KCND2: variants seen among roughly 807,000 people sequenced by gnomAD.
KCND2 encodes potassium voltage-gated channel subfamily D member 2, also known as A-type voltage-gated potassium channel KCND2.
KCND2 carries 16 observed loss-of-function variants against 54.4 expected under a neutral mutation model. The observed-to-expected ratio is 0.29, with a 90% CI of 0.20 to 0.45. The LOEUF (loss-of-function observed/expected upper bound fraction) is 0.45. Ranked by LOEUF, KCND2 falls within the 20% of genes least tolerant of loss-of-function variation. The probability of loss-of-function intolerance (pLI) is 1.00; values close to 1 mark genes in which losing one functional copy is unlikely to be tolerated. For synonymous variants in KCND2, 317 were observed against 310.7 expected, an observed-to-expected ratio of 1.02 and a Z score of -0.21; for missense variants, 486 against 824.2, an observed-to-expected ratio of 0.59 and a Z score of 5.02.
intron 1 of KCND2, among the ~76,000 whole-genome samples, chr7:120,616,445 A>C (rs1397265253): frequency 6.6e-6 from 1 of 152,186 alleles, no homozygotes; most frequent in Non-Finnish European, 1.5e-5. Flanking sequence ...ATGTCATGAA[A>C]CCATTTAAGA....
intron 1 of KCND2, among the ~76,000 whole-genome samples, chr7:120,443,335 C>G (rs868121320): frequency 4.1e-5 from 6 of 144,982 alleles, no homozygotes; most frequent in Admixed American, 1.4e-4. Flanking sequence ...TAACAATCTC[C>G]AAGAAATAAC....
chr7:120,546,161 T>C (rs1044174774), intron 1 of KCND2, among the ~76,000 whole-genome samples: 5 of 151,926 alleles, frequency 3.3e-5, no homozygotes, highest in African/African-American at 1.2e-4. Context: ...TACCCCTCCA[T>C]GGGACACAAA....
chr7:120,394,467 A>G (rs1019433422), intron 1 of KCND2, among the ~76,000 whole-genome samples: 5 of 151,992 alleles, frequency 3.3e-5, no homozygotes, highest in African/African-American at 1.2e-4. Context: ...GAACTCACGA[A>G]TCTTGTGACC....
intron 1 of KCND2, among the ~76,000 whole-genome samples, chr7:120,666,712 C>T (rs1346676069): frequency 6.6e-6 from 1 of 152,024 alleles, no homozygotes; most frequent in African/African-American, 2.4e-5. Context: ...GTTAGCCTAA[C>T]TTCTAACCAC....
intron 1 of KCND2, among the ~76,000 whole-genome samples, chr7:120,550,916 G>T (rs940244731): frequency 4.6e-5 from 7 of 152,176 alleles, no homozygotes; most frequent in African/African-American, 1.2e-4. Context: ...AAATTGGAGT[G>T]TTAGGATCAG....
chr7:120,445,124 AT>A (rs1368649294), intron 1 of KCND2, among the ~76,000 whole-genome samples: 1 of 152,188 alleles, frequency 6.6e-6, no homozygotes, highest in East Asian at 1.9e-4. Flanking sequence ...GAAATGCAAT[AT>A]TCTTTCATAT....
At position 120,592,001 on chromosome 7, in the gene KCND2, T is replaced by C. The variant is rs1361160561; in HGVS notation, c.1116-140902T>C. 2.0e-5 allele frequency among the ~76,000 whole-genome samples: 3 copies of C among 152,338 alleles called. No homozygotes were observed. In the East Asian group the frequency reaches 5.8e-4, roughly 29 times the overall value. ...CAATATTTAATGAGATTCTAGGCGC[T>C]GATTAAAATGTAATGAAAAAAGCTT... is the stretch of plus-strand genomic sequence containing the variant. On this transcript the variant is annotated intron_variant, in intron 1 of 5. Transcript: ENST00000331113.
chr7:120,431,649 C>T (rs776921994), intron 1 of KCND2, among the ~76,000 whole-genome samples: 8 of 152,172 alleles, frequency 5.3e-5, no homozygotes, highest in Non-Finnish European at 1.0e-4. Context: ...TACTTAGCCT[C>T]AGTATTATTT....
At chr7:120,629,457 T>A (rs9649424) in intron 1 of KCND2, among the ~76,000 whole-genome samples, 1 of 151,538 alleles carries the variant, frequency 6.6e-6, no homozygotes, top group Non-Finnish European at 1.5e-5. Context: ...CTGCACTCCA[T>A]CCTGGGCGAC....
At chr7:120,354,324 C>T (rs559453749) in intron 1 of KCND2, among the ~76,000 whole-genome samples, 7 of 152,116 alleles carry the variant, frequency 4.6e-5, no homozygotes, top group South Asian at 2.1e-4. Flanking sequence ...TCTATATAGG[C>T]GTTATATAAT....
At chr7:120,333,958 T>C (rs977796953) in intron 1 of KCND2, among the ~76,000 whole-genome samples, 1 of 152,216 alleles carries the variant, frequency 6.6e-6, no homozygotes, top group Non-Finnish European at 1.5e-5. Context: ...GTGTATATAA[T>C]CATTTTGATT....
At chr7:120,631,041 T>G (rs2116514992) in intron 1 of KCND2, among the ~76,000 whole-genome samples, 1 of 152,304 alleles carries the variant, frequency 6.6e-6, no homozygotes, top group Middle Eastern at 3.4e-3. Flanking sequence ...TTCAAAACTG[T>G]TGATAGCAAA....
At chr7:120,411,507 T>C (rs1480425872) in intron 1 of KCND2, among the ~76,000 whole-genome samples, 1 of 151,886 alleles carries the variant, frequency 6.6e-6, no homozygotes, top group Non-Finnish European at 1.5e-5. Context: ...GGAAAATTAA[T>C]TGGAAAATAG....
At chr7:120,612,730 A>T (rs764579271) in intron 1 of KCND2, among the ~76,000 whole-genome samples, 39 of 152,320 alleles carry the variant, frequency 2.6e-4, no homozygotes, top group Non-Finnish European at 5.1e-4. Flanking sequence ...CTTATTGTGA[A>T]CTTAATGAAT....
At chr7:120,632,471 T>G (rs2116516931) in intron 1 of KCND2, among the ~76,000 whole-genome samples, 1 of 152,296 alleles carries the variant, frequency 6.6e-6, no homozygotes. Context: ...AGAAAATGGC[T>G]CTCTCTGGAG....
intron 1 of KCND2, among the ~76,000 whole-genome samples, chr7:120,371,962 CTTT>C: frequency 6.6e-6 from 1 of 151,960 alleles, no homozygotes; most frequent in South Asian, 2.1e-4. Context: ...TGTATACCAC[CTTT>C]TCTTTATCTC....
chr7:120,664,797 T>G (rs1791905415), intron 1 of KCND2, among the ~76,000 whole-genome samples: 1 of 152,060 alleles, frequency 6.6e-6, no homozygotes, highest in Non-Finnish European at 1.5e-5. Flanking sequence ...CATTAGTGAT[T>G]CAGTAATTAT....
At chr7:120,711,127 A>G (rs1451234302) in intron 1 of KCND2, among the ~76,000 whole-genome samples, 1 of 152,088 alleles carries the variant, frequency 6.6e-6, no homozygotes, top group Non-Finnish European at 1.5e-5. Context: ...TATATATTTT[A>G]TATACATTTG....
chr7:120,660,333 G>T (rs1791850831), intron 1 of KCND2, among the ~76,000 whole-genome samples: 1 of 152,128 alleles, frequency 6.6e-6, no homozygotes, highest in African/African-American at 2.4e-5. Flanking sequence ...GAGAAACAAT[G>T]ATTATATAAA....
Sources: allele counts gnomAD v4.1 joint callset (sites outside exome capture counted in the v4.1 genomes callset), GRCh38; gene constraint gnomAD v4.1.1; transcripts MANE v1.5; gene names NCBI Gene and HGNC (gene_info 2026-07-23, HGNC 2026-07-21).